RBFOX1: variants seen among roughly 807,000 people sequenced by gnomAD.
RBFOX1 encodes RNA binding protein fox-1 homolog 1.
A neutral mutation model predicts 57.7 loss-of-function variants in RBFOX1; 8 were observed. That is an observed-to-expected ratio of 0.14 (90% confidence interval 0.08 to 0.25). The LOEUF (loss-of-function observed/expected upper bound fraction) is 0.25. Among genes scored for constraint, RBFOX1 ranks in the 10% least tolerant of loss-of-function variants. The probability of loss-of-function intolerance (pLI) is 1.00; values close to 1 mark genes in which losing one functional copy is unlikely to be tolerated. For synonymous variants in RBFOX1, 326 were observed against 222.4 expected (o/e 1.47, Z -4.15); for missense variants, 611 against 548.5 (o/e 1.11, Z -1.14).
intron 2 of RBFOX1, among the ~76,000 whole-genome samples, chr16:5,517,061 AC>A (rs2043819189): frequency 6.6e-6 from 1 of 152,006 alleles, no homozygotes; most frequent in Admixed American, 6.5e-5. Flanking sequence ...CATAAAAATA[AC>A]TATGAAATGG....
chr16:6,609,505 G>T (rs2098006846), intron 2 of RBFOX1, among the ~76,000 whole-genome samples: 1 of 151,786 alleles, frequency 6.6e-6, no homozygotes, highest in South Asian at 2.1e-4. Flanking sequence ...CACCACACTT[G>T]GCTAATTTTT....
At chr16:7,010,077 G>C (rs1424827643) in intron 3 of RBFOX1, among the ~76,000 whole-genome samples, 1 of 152,086 alleles carries the variant, frequency 6.6e-6, no homozygotes, top group East Asian at 1.9e-4. Flanking sequence ...TTCAAATTTA[G>C]TTAACTTCTA....
intron 3 of RBFOX1, among the ~76,000 whole-genome samples, chr16:6,757,114 A>G (rs1454506363): frequency 4.6e-5 from 7 of 152,222 alleles, no homozygotes; most frequent in African/African-American, 1.4e-4. Flanking sequence ...TTTCATCCCA[A>G]TTAGAACGAC....
intron 4 of RBFOX1, among the ~76,000 whole-genome samples, chr16:7,481,064 A>C (rs2063817113): frequency 6.6e-6 from 1 of 152,152 alleles, no homozygotes; most frequent in African/African-American, 2.4e-5. Context: ...CTTGAATTCT[A>C]GCTCTTCCTA....
intron 4 of RBFOX1, among the ~76,000 whole-genome samples, chr16:7,143,924 A>G (rs368362535): frequency 6.6e-6 from 1 of 152,200 alleles, no homozygotes; most frequent in Non-Finnish European, 1.5e-5. Flanking sequence ...GTCTATTCAC[A>G]GACAATGGAA....
At chr16:6,952,878 G>A (rs1454876775) in intron 3 of RBFOX1, among the ~76,000 whole-genome samples, 1 of 152,016 alleles carries the variant, frequency 6.6e-6, no homozygotes, top group African/African-American at 2.4e-5. Context: ...GGGAGGCTGA[G>A]GCAGGAGAAG....
Position 7,106,915 on chromosome 16 carries a change from C to G in RBFOX1, c.27+54817C>G, listed in dbSNP as rs2151482121. On this transcript the variant is annotated intron_variant, in intron 4 of 15. Coordinates refer to ENST00000550418, the MANE Select transcript of RBFOX1 (RefSeq NM_018723.4). ...GACACTATTCTTGGCAGTGGGCATG[C>G]AACAAGGAGGACATGGACACGTCCC... Among the ~76,000 whole-genome samples, 3 of 151,822 alleles carry G rather than the reference C, an allele frequency of 2.0e-5. 1 individual carries two copies. In the Middle Eastern group the frequency reaches 0.01, roughly 516 times the overall value.
chr16:6,824,816 G>T (rs956861104), intron 3 of RBFOX1, among the ~76,000 whole-genome samples: 1 of 151,820 alleles, frequency 6.6e-6, no homozygotes, highest in East Asian at 1.9e-4. Context: ...GTAATAACAT[G>T]TCAAAGATAA....
intron 4 of RBFOX1, among the ~76,000 whole-genome samples, chr16:5,898,897 T>TA (rs80013964): frequency 0.2 from 27,280 of 138,394 alleles, 2,767 homozygotes; most frequent in Middle Eastern, 0.27. Flanking sequence ...CCATCTCTAT[T>TA]AAAAAAAAAA....
At chr16:5,798,801 G>T (rs1450477318) in intron 3 of RBFOX1, among the ~76,000 whole-genome samples, 1 of 152,194 alleles carries the variant, frequency 6.6e-6, no homozygotes, top group Non-Finnish European at 1.5e-5. Flanking sequence ...TCTGAGCTGT[G>T]AGGTTCCTCC....
rs1567593825 is a variant in RBFOX1, at chr16:6,859,187, A to ATATATATGTATATATATG, written c.-15-192863_-15-192862insGTATATATATGTATATAT. Among the ~76,000 whole-genome samples the ATATATATGTATATATATG allele has an allele frequency of 4.5e-3, 287 of 63,988 alleles. 43 individuals carry two copies. The highest frequency in any genetic ancestry group is 0.021 in the African/African-American group (273 of 13,136). The allele number at this position is 63,988 out of a possible 152,430, so 42.0% of individuals were successfully genotyped here. A position where few individuals can be genotyped will look rare whatever the true frequency, so the allele number is the denominator to read the frequency against. The stretch of plus-strand genomic sequence containing the variant: ...TACGTATATATATGTATATATATGT[A>ATATATATGTATATATATG]TATATATATGTATATATATATATAC... On this transcript the variant is annotated intron_variant, in intron 3 of 15. Coordinates refer to ENST00000550418, the MANE Select transcript of RBFOX1 (RefSeq NM_018723.4).
At chr16:6,130,595 T>G (rs1021944258) in intron 1 of RBFOX1, among the ~76,000 whole-genome samples, 3 of 152,020 alleles carry the variant, frequency 2.0e-5, no homozygotes, top group African/African-American at 7.2e-5. Context: ...CAGACTATAA[T>G]AAAAAGCAAG....
chr16:6,005,825 C>T (rs1466540383), intron 4 of RBFOX1, among the ~76,000 whole-genome samples: 1 of 152,148 alleles, frequency 6.6e-6, no homozygotes, highest in African/African-American at 2.4e-5. Context: ...GGCATTTGAG[C>T]TGGGTCTTGA....
At chr16:6,376,988 C>G (rs372987101) in intron 2 of RBFOX1, among the ~76,000 whole-genome samples, 7 of 151,892 alleles carry the variant, frequency 4.6e-5, no homozygotes, top group Non-Finnish European at 7.4e-5. Context: ...TATTGGTCCC[C>G]AGACTGGGCT....
chr16:5,743,039 T>G (rs542272825), intron 3 of RBFOX1, among the ~76,000 whole-genome samples: 12 of 152,208 alleles, frequency 7.9e-5, no homozygotes, highest in African/African-American at 2.7e-4. Context: ...CCGCTTACTA[T>G]TAGCCTGTTT....
chr16:7,411,780 G>C (rs2098427868), intron 4 of RBFOX1, among the ~76,000 whole-genome samples: 2 of 152,000 alleles, frequency 1.3e-5, no homozygotes, highest in African/African-American at 4.8e-5. Flanking sequence ...GCGCATGCCT[G>C]TAATTCCAGC....
At chr16:6,256,233 G>GTGTATATATA (rs1567788468) in intron 1 of RBFOX1, among the ~76,000 whole-genome samples, 45 of 42,102 alleles carry the variant, frequency 1.1e-3, no homozygotes, top group East Asian at 5.6e-3. Flanking sequence ...ATATATATAT[G>GTGTATATATA]TGTATATATA....
chr16:6,798,303 A>T (rs1259412315), intron 3 of RBFOX1, among the ~76,000 whole-genome samples: 1 of 152,112 alleles, frequency 6.6e-6, no homozygotes, highest in African/African-American at 2.4e-5. Flanking sequence ...GTATCTAGAA[A>T]CTTGCATTTT....
At chr16:6,123,430 C>T (rs1228744645) in intron 1 of RBFOX1, among the ~76,000 whole-genome samples, 1 of 152,272 alleles carries the variant, frequency 6.6e-6, no homozygotes, top group South Asian at 2.1e-4. Context: ...TATGGTTCTA[C>T]TTCTAGGGAT....
Sources: gnomAD v4.1 joint callset for allele counts (sites outside exome capture counted in the v4.1 genomes callset) on GRCh38, gnomAD v4.1.1 for gene constraint, MANE v1.5 for transcripts, NCBI Gene and HGNC (gene_info 2026-07-23, HGNC 2026-07-21) for gene names.